The following C4orf50 variants were observed in gnomAD, a reference collection of about 807,000 sequenced individuals.
C4orf50 encodes uncharacterized protein C4orf50.
C4orf50 carries 80 observed loss-of-function variants against 77.2 expected under a neutral mutation model. The ratio of observed to expected loss-of-function variants is 1.04; its 90% CI spans 0.87 to 1.25. The LOEUF (loss-of-function observed/expected upper bound fraction) is 1.25, where lower values mean the gene tolerates loss of function less well. Ranked by LOEUF, C4orf50 falls within the 50% of genes most tolerant of loss-of-function variation. The pLI is 0.00. For missense variants in C4orf50, 1,257 were observed against 1,152.9 expected, an observed-to-expected ratio of 1.09 and a Z score of -1.31; for synonymous variants, 532 against 465.3, an observed-to-expected ratio of 1.14 and a Z score of -1.84.
intron 30 of C4orf50, among the ~76,000 whole-genome samples, chr4:5,974,212 C>T (rs79663261): frequency 0.012 from 1,757 of 152,290 alleles, 28 homozygotes; most frequent in African/African-American, 0.04. Flanking sequence ...TAAAAGGAGA[C>T]GGCGCAGGCA....
At chr4:5,977,641 A>G (rs1720360891) in intron 29 of C4orf50, among the ~76,000 whole-genome samples, 1 of 152,234 alleles carries the variant, frequency 6.6e-6, no homozygotes, top group Middle Eastern at 3.2e-3. Flanking sequence ...TTTGTTTTAC[A>G]AAGAAGATTT....
At chr4:5,995,311 C>T (rs1721518294) in intron 25 of C4orf50, among the ~76,000 whole-genome samples, 1 of 152,190 alleles carries the variant, frequency 6.6e-6, no homozygotes, top group Non-Finnish European at 1.5e-5. Flanking sequence ...TGTCCTTCAA[C>T]TGTCAATAAG....
At chr4:5,914,576 T>C (rs1248003570) in intron 7 of C4orf50, among the ~76,000 whole-genome samples, 1 of 152,226 alleles carries the variant, frequency 6.6e-6, no homozygotes, top group Non-Finnish European at 1.5e-5. Context: ...CATACATCAC[T>C]TAAAATTAAT....
chr4:5,974,531 C>T lies in C4orf50; in HGVS notation c.3922-690G>A, dbSNP rs574823645. Among the ~76,000 whole-genome samples, 4 of 152,268 alleles carry T rather than the reference C, an allele frequency of 2.6e-5. No homozygotes were observed. The South Asian group carries it at 8.3e-4, about 32-fold the overall frequency. On this transcript the variant is annotated intron_variant, in intron 30 of 33. Transcript: ENST00000531445. ...TGTCTGGCTCATGTTTCTGATTTGA[C>T]GGCTGACGACACTGAGGCCCCAGAG... is the stretch of plus-strand genomic sequence containing the variant.
intron 26 of C4orf50, 83 bp downstream of exon 4, chr4:5,994,264 G>T: frequency 5.0e-6 from 2 of 398,378 alleles, no homozygotes; most frequent in Non-Finnish European, 8.9e-6. Context: ...TGCGTCATCG[G>T]GACATGATAA....
At chr4:5,909,324 A>C (rs573858516) in intron 7 of C4orf50, among the ~76,000 whole-genome samples, 1 of 152,300 alleles carries the variant, frequency 6.6e-6, no homozygotes, top group South Asian at 2.1e-4. Flanking sequence ...TGTTGACCGC[A>C]ACCAGATATT....
At position 6,011,922 on chromosome 4, in the gene C4orf50, C is replaced by T. The variant is rs887820605; in HGVS notation, c.334G>A (p.Asp112Asn). Residue 112 changes from aspartate (D) to asparagine (N), a missense_variant, in exon 24 of 34, where the codon GAC becomes AAC. Transcript: ENST00000531445. The surrounding 1 kb of genome is among the most constrained non-coding windows in gnomAD (Gnocchi z 4.2). ...TGGGCCACGTGGGTGCTCAGCTGGT[C>T]CACCTTCCGGAGGAGTTTCCTTTCT... is the stretch of plus-strand genomic sequence containing the variant. 2 of 398,942 alleles carry T rather than the reference C, an allele frequency of 5.0e-6. No individual in the cohort carries two copies. The highest frequency in any genetic ancestry group is 4.1e-5 in the African/African-American group (2 of 48,638). 24.7% of individuals were successfully genotyped at this position (398,942 alleles called of 1,614,324 possible). A position where few individuals can be genotyped will look rare whatever the true frequency, so the allele number is the denominator to read the frequency against.
chr4:5,973,298 G>A (rs1360775703), intron 31 of C4orf50, among the ~76,000 whole-genome samples: 1 of 152,220 alleles, frequency 6.6e-6, no homozygotes, highest in South Asian at 2.1e-4. Context: ...GAGGTCATGG[G>A]GTGACCAAAG....
chr4:5,922,854 T>G (rs1199333524), intron 7 of C4orf50, among the ~76,000 whole-genome samples: 1 of 152,118 alleles, frequency 6.6e-6, no homozygotes, highest in Non-Finnish European at 1.5e-5. Context: ...CCTCATTAGC[T>G]CTCTCTCCTC....
chr4:5,940,922 C>G (rs7691494), intron 7 of C4orf50, among the ~76,000 whole-genome samples: 35,944 of 152,030 alleles, frequency 0.24, 5,417 homozygotes, highest in African/African-American at 0.43. Context: ...TCAACTGATG[C>G]CTAGCACCAA....
At chr4:5,982,261 G>A (rs1341297280) in intron 28 of C4orf50, among the ~76,000 whole-genome samples, 1 of 152,108 alleles carries the variant, frequency 6.6e-6, no homozygotes, top group Non-Finnish European at 1.5e-5. Flanking sequence ...GGTCCTCAGA[G>A]AGCACCAAGG....
chr4:5,964,999 A>G (rs772347020), intron 33 of C4orf50, 25 bp downstream of exon 11: 4 of 1,600,018 alleles, frequency 2.5e-6, no homozygotes, highest in Non-Finnish European at 3.4e-6. Flanking sequence ...TCATTTAGGA[A>G]ATGAGGTGAC....
In C4orf50 at chr4:5,905,662, G is replaced by A. The variant is rs1716514737; in HGVS notation, c.*2475-7474C>T. On this transcript the variant is annotated intron_variant, in intron 7 of 7. Coordinates refer to the C4orf50 transcript ENST00000324058. This position sits in a 1 kb window ranked among gnomAD's most constrained non-coding sequence, Gnocchi z 5.4. ...TCTTAGCTTGGAATTATTAGATAAT[G>A]CTCTCTTTATTTGGGGTGCTTCAGA... 6.6e-6 allele frequency among the ~76,000 whole-genome samples: 1 copy of A among 152,202 alleles called. No homozygotes were observed. Among genetic ancestry groups the A allele is most frequent in the Non-Finnish European group, 1.5e-5 (1 of 68,038 alleles).
At chr4:5,899,418 A>G (rs1716253711) in intron 7 of C4orf50, 1 of 152,262 alleles carries the variant, frequency 6.6e-6, no homozygotes, top group African/African-American at 2.4e-5. Context: ...ACCAGTCACC[A>G]AGAGCTCAGC....
At chr4:5,994,965 G>T (rs983163102) in intron 25 of C4orf50, among the ~76,000 whole-genome samples, 3 of 152,294 alleles carry the variant, frequency 2.0e-5, no homozygotes, top group Non-Finnish European at 2.9e-5. Context: ...ATCTAGGTTG[G>T]GTGCTCCTTA....
chr4:5,965,171 C>A, intron 32 of C4orf50, 26 bp from the exon 11 acceptor site: 1 of 1,608,308 alleles, frequency 6.2e-7, no homozygotes. Context: ...CTCAGTCAAG[C>A]CTCCACCCAG....
rs1721771006 is a variant in C4orf50 at position 6,000,155 on chromosome 4, C to G, written c.964-5679G>C. Among the ~76,000 whole-genome samples the G allele has an allele frequency of 1.3e-5, 2 of 151,402 alleles. No individual in the cohort carries two copies. The highest frequency in any genetic ancestry group is 4.2e-4 in the South Asian group (2 of 4,764). ...TGTGGCTCTCGGTCCTCCTGGGTCA[C>G]TCCCAGTCCTTTGAAGATGCACTGG... On this transcript the variant is annotated intron_variant, in intron 25 of 33. Transcript: ENST00000531445. The surrounding 1 kb of genome is among the most constrained non-coding windows in gnomAD (Gnocchi z 6.0).
In C4orf50 at chr4:5,919,404, G is replaced by T. The variant is rs1302467721; in HGVS notation, c.*2475-21216C>A. ...TTTCACTCACTCCCTGTAGGCAGTG[G>T]ACTGAGGCAGGGGCAGGTGGGGGTG... On this transcript the variant is annotated intron_variant, in intron 7 of 7. Transcript: ENST00000324058. This position sits in a 1 kb window ranked among gnomAD's most constrained non-coding sequence, Gnocchi z 6.5. 6.6e-6 allele frequency among the ~76,000 whole-genome samples: 1 copy of T among 151,116 alleles called. No homozygotes were observed. Among genetic ancestry groups the T allele is most frequent in the Non-Finnish European group, 1.5e-5 (1 of 67,804 alleles).
intron 7 of C4orf50, among the ~76,000 whole-genome samples, chr4:5,927,704 G>A (rs556524343): frequency 9.5e-4 from 145 of 151,924 alleles, no homozygotes; most frequent in East Asian, 5.8e-4. Context: ...CTTCTGCCAT[G>A]ATTGTAAGTT....
Sources: allele counts gnomAD v4.1 joint callset (sites outside exome capture counted in the v4.1 genomes callset), GRCh38; gene constraint gnomAD v4.1.1; non-coding constraint Gnocchi (gnomAD v3.1); transcripts MANE v1.5; gene names NCBI Gene and HGNC (gene_info 2026-07-23, HGNC 2026-07-21).